Variants in SH3BGR observed in about 807,000 individuals in gnomAD.
SH3BGR encodes SH3 domain binding glutamate rich protein.
SH3BGR carries 29 observed loss-of-function variants against 24.5 expected under a neutral mutation model. The ratio of observed to expected loss-of-function variants is 1.18; its 90% confidence interval spans 0.88 to 1.61. The LOEUF (loss-of-function observed/expected upper bound fraction) is 1.61. Ranked by LOEUF, SH3BGR falls within the 40% of genes most tolerant of loss-of-function variation. The pLI is 0.00. For synonymous variants in SH3BGR, 55 were observed against 65.7 expected (o/e 0.84, Z 0.79); for missense variants, 162 against 205.8 (o/e 0.79, Z 1.30).
chr21:39,471,170 TTAA>T (rs34517342), intron 2 of SH3BGR, among the ~76,000 whole-genome samples: 22,498 of 152,124 alleles, frequency 0.15, 2,024 homozygotes, highest in South Asian at 0.21. Flanking sequence ...CTGGTTGCTT[TTAA>T]TAATATTTCT....
intron 6 of SH3BGR, among the ~76,000 whole-genome samples, chr21:39,514,718 A>T (rs1423272770): frequency 6.6e-6 from 1 of 152,154 alleles, no homozygotes; most frequent in Non-Finnish European, 1.5e-5. Flanking sequence ...ATGAGACTGG[A>T]TTCTACCTCC....
chr21:39,472,812 C>G (rs1347799217), intron 2 of SH3BGR, among the ~76,000 whole-genome samples: 1 of 152,086 alleles, frequency 6.6e-6, no homozygotes, highest in African/African-American at 2.4e-5. Context: ...TTATGAAACT[C>G]CCCAGCTTGA....
chr21:39,477,209 A>G (rs533660446), intron 3 of SH3BGR, among the ~76,000 whole-genome samples: 2 of 152,264 alleles, frequency 1.3e-5, no homozygotes, highest in East Asian at 1.9e-4. Context: ...TGTCATAAAC[A>G]TGTTTATGCT....
chr21:39,470,742 T>C (rs368564740), intron 2 of SH3BGR, among the ~76,000 whole-genome samples: 100 of 152,350 alleles, frequency 6.6e-4, no homozygotes, highest in African/African-American at 2.4e-3. Flanking sequence ...TTACTATTAA[T>C]TTTATCTTTA....
At chr21:39,457,519 A>C (rs940111499) in intron 1 of SH3BGR, among the ~76,000 whole-genome samples, 1 of 146,416 alleles carries the variant, frequency 6.8e-6, no homozygotes, top group Non-Finnish European at 1.5e-5. Flanking sequence ...TATATTATAT[A>C]GTTATATATA....
At chr21:39,449,357 A>G (rs1327151015), upstream of SH3BGR, among the ~76,000 whole-genome samples, 1 of 152,072 alleles carries the variant, frequency 6.6e-6, no homozygotes, top group African/African-American at 2.4e-5. Context: ...TCCTCCGTGG[A>G]TCTCCTGGTC....
chr21:39,450,296 A>G (rs1818226532), upstream of SH3BGR, among the ~76,000 whole-genome samples: 1 of 152,232 alleles, frequency 6.6e-6, no homozygotes, highest in African/African-American at 2.4e-5. Flanking sequence ...ATCTTCATCA[A>G]GGACCTTATT....
intron 1 of SH3BGR, chr21:39,446,874 G>A (rs2077484445): frequency 2.0e-5 from 3 of 152,032 alleles, no homozygotes; most frequent in Non-Finnish European, 2.9e-5. Context: ...GTAGAGTCAA[G>A]CTTATTACAT....
intron 5 of SH3BGR, among the ~76,000 whole-genome samples, chr21:39,510,841 T>G (rs564626122): frequency 6.8e-6 from 1 of 148,098 alleles, no homozygotes; most frequent in Non-Finnish European, 1.5e-5. Flanking sequence ...TGTAACCAAC[T>G]TGTGCATTTA....
intron 3 of SH3BGR, chr21:39,491,723 G>A (rs1044882236): frequency 2.7e-5 from 6 of 223,274 alleles, no homozygotes; most frequent in Admixed American, 2.1e-4. Context: ...CATAGGTGTC[G>A]AAGAAGCTTG....
intron 3 of SH3BGR, among the ~76,000 whole-genome samples, chr21:39,495,653 A>T (rs568286020): frequency 8.0e-4 from 121 of 151,658 alleles, no homozygotes; most frequent in Non-Finnish European, 1.0e-3. Context: ...CTAATAAAAA[A>T]ATTTTTTTTT....
intron 5 of SH3BGR, among the ~76,000 whole-genome samples, chr21:39,510,696 C>T (rs918549449): frequency 6.6e-6 from 1 of 151,708 alleles, no homozygotes; most frequent in African/African-American, 2.4e-5. Flanking sequence ...TTTTGTTTCT[C>T]TCTTGCTAGG....
At chr21:39,492,426 G>T (rs2093768549) in intron 3 of SH3BGR, among the ~76,000 whole-genome samples, 1 of 149,246 alleles carries the variant, frequency 6.7e-6, no homozygotes, top group Non-Finnish European at 1.5e-5. Context: ...CCTTTTTATG[G>T]CTGAGTAGTT....
upstream of SH3BGR, among the ~76,000 whole-genome samples, chr21:39,447,416 C>CATTTTTTTTTTTTTTTT: frequency 1.7e-5 from 2 of 114,710 alleles, 1 homozygote; most frequent in Non-Finnish European, 3.5e-5. Context: ...TTCGCTTTTG[C>CATTTTTTTTTTTTTTTT]TTTTTTTTTT....
chr21:39,483,434 T>C (rs1319774798), intron 3 of SH3BGR, among the ~76,000 whole-genome samples: 1 of 152,250 alleles, frequency 6.6e-6, no homozygotes, highest in Non-Finnish European at 1.5e-5. Context: ...CTGAGAAGTC[T>C]CAGAGTTCAC....
chr21:39,458,431 C>T (rs549980703), intron 1 of SH3BGR, among the ~76,000 whole-genome samples: 7 of 151,820 alleles, frequency 4.6e-5, no homozygotes, highest in Admixed American at 2.0e-4. Flanking sequence ...CTCTGCCTCC[C>T]GGATTCAAGC....
chr21:39,502,138 A>G (rs2078505512), intron 4 of SH3BGR, among the ~76,000 whole-genome samples: 1 of 152,152 alleles, frequency 6.6e-6, no homozygotes, highest in Non-Finnish European at 1.5e-5. Context: ...GTGCCACTGC[A>G]CTCCAGTCTG....
chr21:39,510,547 G>C (rs183037168), intron 5 of SH3BGR, among the ~76,000 whole-genome samples: 1 of 151,672 alleles, frequency 6.6e-6, no homozygotes, highest in Non-Finnish European at 1.5e-5. Context: ...TATATTTGGG[G>C]AGGTAGTCAG....
At chr21:39,508,554 C>G (rs2078622850) in intron 4 of SH3BGR, among the ~76,000 whole-genome samples, 1 of 152,224 alleles carries the variant, frequency 6.6e-6, no homozygotes, top group East Asian at 1.9e-4. Flanking sequence ...AGTTTTTGAC[C>G]TACTTTTATT....
Sources: gnomAD v4.1 joint callset for allele counts (sites outside exome capture counted in the v4.1 genomes callset) on GRCh38, gnomAD v4.1.1 for gene constraint, MANE v1.5 for transcripts, NCBI Gene and HGNC (gene_info 2026-07-23, HGNC 2026-07-21) for gene names.